The following UBASH3B variants were observed in gnomAD, a reference collection of about 807,000 sequenced individuals.
UBASH3B encodes the protein ubiquitin associated and SH3 domain containing B, also known as ubiquitin-associated and SH3 domain-containing protein B.
Under a neutral mutation model 83.4 loss-of-function variants are expected in UBASH3B, and 37 were observed. The observed-to-expected ratio is 0.44, with a 90% CI of 0.34 to 0.58. UBASH3B has a LOEUF of 0.58. Among genes scored for constraint, UBASH3B ranks in the 20% least tolerant of loss-of-function variants. UBASH3B has a pLI of 0.01. For synonymous variants in UBASH3B, 304 were observed against 318.3 expected (o/e 0.96, Z 0.48); for missense variants, 657 against 827.2 (o/e 0.79, Z 2.52).
chr11:122,775,634 G>A (rs1860718401), intron 1 of UBASH3B: 2 of 152,150 alleles, frequency 1.3e-5, no homozygotes, highest in African/African-American at 2.4e-5. Flanking sequence ...AGCCAAATAT[G>A]GTGGCGTGCA....
At chr11:122,683,541 G>T (rs968587359) in intron 1 of UBASH3B, among the ~76,000 whole-genome samples, 1 of 151,304 alleles carries the variant, frequency 6.6e-6, no homozygotes, top group Non-Finnish European at 1.5e-5. Context: ...GGAGGCGGAG[G>T]TTGCAGTGAG....
Position 122,796,263 on chromosome 11 carries a change from C to T in UBASH3B, c.1221C>T (p.Cys407=). 6.2e-7 allele frequency: 1 copy of T among 1,614,102 alleles called. No homozygotes were observed. The highest frequency in any genetic ancestry group is 8.5e-7 in the Non-Finnish European group (1 of 1,179,974). ...TTGGGAAGTACTGGCTGTCCCAGTG[C>T]TTCGATGCCAAAGGTGAGTTGGTGG... ...VVFGKYWLSQ[C]FDAKGRYIRT... Residue 407 remains cysteine (C), a synonymous_variant, in exon 8 of 14, where the codon TGC becomes TGT. Transcript: ENST00000284273.
chr11:122,778,607 CT>C (rs960498187), intron 3 of UBASH3B, among the ~76,000 whole-genome samples: 40 of 62,478 alleles, frequency 6.4e-4, no homozygotes, highest in African/African-American at 1.1e-3. Flanking sequence ...TTTTCTTTTT[CT>C]TTTTTTTTTT....
At chr11:122,753,691 C>T (rs527563867) in intron 1 of UBASH3B, among the ~76,000 whole-genome samples, 123 of 151,858 alleles carry the variant, frequency 8.1e-4, no homozygotes, top group African/African-American at 2.9e-3. Flanking sequence ...GACGGGATTT[C>T]TCCATGTTGG....
chr11:122,763,113 G>A (rs1415220553), intron 1 of UBASH3B, among the ~76,000 whole-genome samples: 3 of 152,170 alleles, frequency 2.0e-5, no homozygotes, highest in Non-Finnish European at 4.4e-5. Context: ...TCCCAAGAAT[G>A]TGGTCCCTCC....
Position 122,655,986 on chromosome 11 carries a change from T to C in UBASH3B, c.-64T>C, listed in dbSNP as rs2135884519. ...GCCCCCTCCCCTGGCCCAGCCCGAC[T>C]CCCTCCTCCTTCCCGAACCATCCGG... On this transcript the variant is annotated 5_prime_UTR_variant, in exon 1 of 14. Coordinates refer to ENST00000284273, the MANE Select transcript of UBASH3B (RefSeq NM_032873.5). 1 of 977,770 alleles carries C rather than the reference T, an allele frequency of 1.0e-6. No individual in the cohort carries two copies. The highest frequency in any genetic ancestry group is 1.4e-6 in the Non-Finnish European group (1 of 731,714). 60.6% of individuals were successfully genotyped at this position (977,770 alleles called of 1,614,324 possible).
intron 2 of UBASH3B, 52 bp from the exon 3 acceptor site, chr11:122,776,972 C>G: frequency 6.7e-7 from 1 of 1,487,252 alleles, no homozygotes; most frequent in Non-Finnish European, 9.0e-7. Flanking sequence ...GTTCTTTTTT[C>G]CCCTCCCATT....
chr11:122,713,868 C>A (rs1025727456), intron 1 of UBASH3B, among the ~76,000 whole-genome samples: 1 of 152,110 alleles, frequency 6.6e-6, no homozygotes, highest in African/African-American at 2.4e-5. Flanking sequence ...ATGCAGCTGG[C>A]TTTGTGACCT....
At chr11:122,749,325 T>C (rs1338338592) in intron 1 of UBASH3B, among the ~76,000 whole-genome samples, 3 of 152,262 alleles carry the variant, frequency 2.0e-5, no homozygotes, top group African/African-American at 7.2e-5. Context: ...ATGCTATAAT[T>C]AGCACAGACT....
intron 1 of UBASH3B, among the ~76,000 whole-genome samples, chr11:122,706,106 C>CTT (rs36055058): frequency 0.13 from 16,201 of 126,204 alleles, 1,431 homozygotes; most frequent in African/African-American, 0.24. Flanking sequence ...TCTTTTCTTT[C>CTT]TTTTTTTTTT....
At chr11:122,700,186 A>C (rs948572153) in intron 1 of UBASH3B, among the ~76,000 whole-genome samples, 1 of 152,200 alleles carries the variant, frequency 6.6e-6, no homozygotes, top group Non-Finnish European at 1.5e-5. Context: ...GGAAGAGGTC[A>C]GTCTCTTATG....
At chr11:122,741,962 C>G (rs10750224) in intron 1 of UBASH3B, among the ~76,000 whole-genome samples, 88,295 of 152,052 alleles carry the variant, frequency 0.58, 27,282 homozygotes, top group Non-Finnish European at 0.69. Flanking sequence ...TGGAAACTGG[C>G]TCACTCTCAC....
intron 10 of UBASH3B, among the ~76,000 whole-genome samples, chr11:122,799,821 G>A (rs569028959): frequency 6.2e-4 from 94 of 152,254 alleles, no homozygotes; most frequent in African/African-American, 2.2e-3. Flanking sequence ...GTGAGTTACA[G>A]GTATCTCCAT....
At chr11:122,803,552 T>C (rs1471641728) in intron 11 of UBASH3B, among the ~76,000 whole-genome samples, 3 of 149,672 alleles carry the variant, frequency 2.0e-5, no homozygotes, top group South Asian at 2.1e-4. Context: ...CCTGGGGGGG[T>C]TGAAAACAAC....
chr11:122,735,623 A>T (rs951393738), intron 1 of UBASH3B, among the ~76,000 whole-genome samples: 1 of 152,250 alleles, frequency 6.6e-6, no homozygotes, highest in Non-Finnish European at 1.5e-5. Flanking sequence ...GAGTTCTGAG[A>T]GTCCCTAGTA....
intron 1 of UBASH3B, among the ~76,000 whole-genome samples, chr11:122,768,508 G>GTGTGTGTGTGTGTGTATA (rs557159523): frequency 2.0e-4 from 27 of 134,398 alleles, no homozygotes; most frequent in Admixed American, 9.2e-4. Flanking sequence ...GTGTGTGTGT[G>GTGTGTGTGTGTGTGTATA]TATATATATA....
In UBASH3B at chr11:122,694,954, C is replaced by CTTTTTTT. The variant is rs71054088; in HGVS notation, c.161+38765_161+38771dup. On this transcript the variant is annotated intron_variant, in intron 1 of 13. Coordinates refer to ENST00000284273, the MANE Select transcript of UBASH3B (RefSeq NM_032873.5). ...TATTTATTTTTCTTTTCTTTTCTTT[C>CTTTTTTT]TTTTTTTTTTTTTTTTTTTTTTTTT... 2.5e-3 allele frequency among the ~76,000 whole-genome samples: 126 copies of CTTTTTTT among 50,418 alleles called. 18 individuals are homozygous for CTTTTTTT. Among genetic ancestry groups the CTTTTTTT allele is most frequent in the Non-Finnish European group, 3.2e-3 (89 of 28,032 alleles). The allele number at this position is 50,418 out of a possible 152,430, so 33.1% of individuals were successfully genotyped here.
At chr11:122,666,263 A>G (rs546333011) in intron 1 of UBASH3B, among the ~76,000 whole-genome samples, 1 of 152,348 alleles carries the variant, frequency 6.6e-6, no homozygotes, top group South Asian at 2.1e-4. Flanking sequence ...TTCGCTCCCT[A>G]AGTGTTTATT....
At chr11:122,702,166 A>G (rs1215786907) in intron 1 of UBASH3B, among the ~76,000 whole-genome samples, 2 of 152,242 alleles carry the variant, frequency 1.3e-5, no homozygotes, top group African/African-American at 4.8e-5. Flanking sequence ...AGGGATGGTC[A>G]GCAAACAGCC....
Sources: gnomAD v4.1 joint callset for allele counts (sites outside exome capture counted in the v4.1 genomes callset) on GRCh38, gnomAD v4.1.1 for gene constraint, MANE v1.5 for transcripts, NCBI Gene and HGNC (gene_info 2026-07-23, HGNC 2026-07-21) for gene names.